NAA25: variants seen among roughly 807,000 people sequenced by gnomAD.
NAA25 encodes the protein N-alpha-acetyltransferase 25, NatB auxiliary subunit.
In NAA25, 30 loss-of-function variants were observed where a neutral mutation model predicts 132.5. The observed-to-expected ratio is 0.23, with a 90% CI of 0.17 to 0.31. NAA25 has a LOEUF of 0.31. NAA25 is among the 10% of genes least tolerant of loss of function. The pLI, the probability that NAA25 is intolerant of heterozygous loss-of-function variation, is 1.00. For missense variants in NAA25, 771 were observed against 1,150.4 expected (o/e 0.67, Z 4.77); for synonymous variants, 359 against 401.9 (o/e 0.89, Z 1.28).
intron 1 of NAA25, among the ~76,000 whole-genome samples, chr12:112,098,424 G>A (rs1169819793): frequency 6.6e-6 from 1 of 152,078 alleles, no homozygotes; most frequent in Non-Finnish European, 1.5e-5. Context: ...AAGTCTCTTG[G>A]GAAAGTTTAT....
In NAA25 at chr12:112,077,526, G is replaced by GT. The variant is rs1304189106; in HGVS notation, c.664+661dup. On this transcript the variant is annotated intron_variant, in intron 7 of 23. Transcript: ENST00000261745. ...GAGCCCAGTGTGGTGGTGTGTGCCC[G>GT]TCGTCCTAGCTACTTGGGAGGCTGA... Among the ~76,000 whole-genome samples, 26 of 151,782 alleles carry GT rather than the reference G, an allele frequency of 1.7e-4. 1 individual carries two copies. The highest frequency in any genetic ancestry group is 1.7e-3 in the Admixed American group (26 of 15,210).
At chr12:112,048,892 C>T (rs945983419) in intron 15 of NAA25, among the ~76,000 whole-genome samples, 42 of 150,532 alleles carry the variant, frequency 2.8e-4, no homozygotes, top group African/African-American at 9.5e-4. Context: ...AAATAAAAAC[C>T]ACTCTCCTTC....
At chr12:112,041,707 T>C (rs1402223927) in intron 20 of NAA25, among the ~76,000 whole-genome samples, 1 of 151,906 alleles carries the variant, frequency 6.6e-6, no homozygotes, top group Non-Finnish European at 1.5e-5. Flanking sequence ...TGCGATAACA[T>C]AAAAAATGTT....
At chr12:112,083,540 AAG>A (rs1442177655) in intron 4 of NAA25, among the ~76,000 whole-genome samples, 3 of 151,932 alleles carry the variant, frequency 2.0e-5, no homozygotes, top group Non-Finnish European at 2.9e-5. Flanking sequence ...AGAAAAAAAA[AAG>A]ATACAGCAGC....
chr12:112,037,275 C>CATATATATATATATATATAT (rs57810657), intron 22 of NAA25, among the ~76,000 whole-genome samples: 1 of 65,164 alleles, frequency 1.5e-5, no homozygotes. Flanking sequence ...TTAAAAAATA[C>CATATATATATATATATATAT]ATATATATAT....
intron 23 of NAA25, among the ~76,000 whole-genome samples, chr12:112,030,765 C>G (rs1296211453): frequency 6.6e-6 from 1 of 152,060 alleles, no homozygotes; most frequent in Non-Finnish European, 1.5e-5. Flanking sequence ...TACAAATGTG[C>G]ATAGAAAGGT....
rs563310683 is a variant in NAA25, at chr12:112,028,627, T to TAC, written c.*903_*904insGT. ...AATCTTAATTTTCAAGTCATATATA[T>TAC]ATGTGTATATATATATATGTATATA... is the stretch of plus-strand genomic sequence containing the variant. On this transcript the variant is annotated 3_prime_UTR_variant, in exon 24 of 24. Transcript: ENST00000261745. 1.3e-5 allele frequency: 2 copies of TAC among 152,078 alleles called. No homozygotes were observed. Among genetic ancestry groups the TAC allele is most frequent in the Non-Finnish European group, 1.5e-5 (1 of 68,022 alleles). The allele number at this position is 152,078 out of a possible 1,614,324, so 9.4% of individuals were successfully genotyped here.
In NAA25 at chr12:112,028,080, G is replaced by A. The variant is rs1020767559; in HGVS notation, c.*1451C>T. On this transcript the variant is annotated 3_prime_UTR_variant, in exon 24 of 24. Coordinates refer to ENST00000261745, the MANE Select transcript of NAA25 (RefSeq NM_024953.4). The stretch of plus-strand genomic sequence containing the variant: ...GAAAGTCAAAATGAAGGGACAAAAT[G>A]CAATTACTTTGCGTACACAGATATT... 1 of 152,170 alleles carries A rather than the reference G, an allele frequency of 6.6e-6. No homozygotes were observed. The highest frequency in any genetic ancestry group is 1.9e-4 in the East Asian group (1 of 5,202). 9.4% of individuals were successfully genotyped at this position (152,170 alleles called of 1,614,324 possible).
intron 3 of NAA25, 76 bp from the exon 4 acceptor site, chr12:112,087,877 C>T: frequency 1.1e-6 from 1 of 933,088 alleles, no homozygotes; most frequent in Non-Finnish European, 1.7e-6. Context: ...TCCTATTTGG[C>T]AGAAATAGAT....
chr12:112,035,455 C>G (rs927076330), intron 22 of NAA25: 1 of 152,084 alleles, frequency 6.6e-6, no homozygotes, highest in Non-Finnish European at 1.5e-5. Flanking sequence ...CGACCAGTGC[C>G]CAGCCTCGAA....
chr12:112,072,806 A>G (rs1295659189), intron 9 of NAA25, among the ~76,000 whole-genome samples: 1 of 151,918 alleles, frequency 6.6e-6, no homozygotes, highest in Non-Finnish European at 1.5e-5. Flanking sequence ...TTGTGGTGGC[A>G]CACACCTGTA....
chr12:112,063,624 G>C (rs1205426667), intron 11 of NAA25, among the ~76,000 whole-genome samples: 1 of 152,198 alleles, frequency 6.6e-6, no homozygotes, highest in Non-Finnish European at 1.5e-5. Context: ...GAAGAGAAGG[G>C]TAGAGAGAAC....
chr12:112,100,367 T>C (rs1400148916), intron 1 of NAA25, among the ~76,000 whole-genome samples: 1 of 152,088 alleles, frequency 6.6e-6, no homozygotes, highest in East Asian at 1.9e-4. Flanking sequence ...TTCACCATGT[T>C]GGCCAGGATG....
At chr12:112,075,570 A>G (rs1178628702) in intron 8 of NAA25, 108 bp downstream of exon 8, 2 of 842,768 alleles carry the variant, frequency 2.4e-6, no homozygotes, top group East Asian at 5.2e-5. Context: ...AACTACTATA[A>G]GAAGACTTTA....
At chr12:112,043,925 TC>T in intron 17 of NAA25, 57 bp from the exon 18 acceptor site, 1 of 1,526,510 alleles carries the variant, frequency 6.6e-7, no homozygotes, top group Non-Finnish European at 8.8e-7. Context: ...TCCATTGCTT[TC>T]AATTTTTTTT....
At chr12:112,045,287 C>A (rs564361846) in intron 17 of NAA25, among the ~76,000 whole-genome samples, 1 of 151,782 alleles carries the variant, frequency 6.6e-6, no homozygotes, top group Non-Finnish European at 1.5e-5. Context: ...GTCAGGAGAT[C>A]GAGACCATCC....
At chr12:112,040,278 T>C (rs1048533570) in intron 21 of NAA25, 4 of 440,260 alleles carry the variant, frequency 9.1e-6, no homozygotes, top group Non-Finnish European at 1.6e-5. Flanking sequence ...AAGTTTTACC[T>C]AAGTATTATG....
chr12:112,066,185 T>C (rs182850250), intron 11 of NAA25, among the ~76,000 whole-genome samples: 1 of 152,310 alleles, frequency 6.6e-6, no homozygotes. Context: ...ACTAGATTCA[T>C]GGTAGCAAAC....
In NAA25 at chr12:112,029,665, G is replaced by A. The variant is rs1329746199; in HGVS notation, c.2797-12C>T. 4 of 1,609,916 alleles carry A rather than the reference G, an allele frequency of 2.5e-6. No homozygotes were observed. Among genetic ancestry groups the A allele is most frequent in the Non-Finnish European group, 3.4e-6 (4 of 1,179,056 alleles). The stretch of plus-strand genomic sequence containing the variant: ...AATTTTCTCTCTTCCTATAAAGGAG[G>A]AGACAAGAATAATTAGTCTTGTTTA... On this transcript the variant is annotated splice_polypyrimidine_tract_variant and intron_variant, in intron 23 of 23. Transcript: ENST00000261745.
Sources: allele counts gnomAD v4.1 joint callset (sites outside exome capture counted in the v4.1 genomes callset), GRCh38; gene constraint gnomAD v4.1.1; transcripts MANE v1.5; gene names NCBI Gene and HGNC (gene_info 2026-07-23, HGNC 2026-07-21).